ARHGEF26: variants seen among roughly 807,000 people sequenced by gnomAD.
ARHGEF26 encodes the protein Rho guanine nucleotide exchange factor 26.
In ARHGEF26, 59 loss-of-function variants were observed where a neutral mutation model predicts 89.4. The ratio of observed to expected loss-of-function variants is 0.66; its 90% CI spans 0.54 to 0.82. ARHGEF26 has a LOEUF of 0.82. ARHGEF26 is among the 40% of genes least tolerant of loss of function. ARHGEF26 has a pLI of 0.00. For synonymous variants in ARHGEF26, 500 were observed against 428.4 expected (o/e 1.17, Z -2.06); for missense variants, 1,234 against 1,085.6 (o/e 1.14, Z -1.92).
At chr3:154,166,951 A>G (rs1559873254) in intron 6 of ARHGEF26, among the ~76,000 whole-genome samples, 1 of 152,160 alleles carries the variant, frequency 6.6e-6, no homozygotes, top group Non-Finnish European at 1.5e-5. Context: ...ATGATTGCCT[A>G]CCATACACAC....
chr3:154,212,889 C>T (rs539265633), intron 9 of ARHGEF26, among the ~76,000 whole-genome samples: 2 of 152,206 alleles, frequency 1.3e-5, no homozygotes, highest in Non-Finnish European at 2.9e-5. Context: ...TATATGGTAC[C>T]TATTTCATTT....
At chr3:154,223,257 A>G (rs1304453530) in intron 10 of ARHGEF26, among the ~76,000 whole-genome samples, 1 of 152,208 alleles carries the variant, frequency 6.6e-6, no homozygotes, top group East Asian at 1.9e-4. Context: ...ATGGAAATCC[A>G]AGAAAAATCT....
At chr3:154,170,821 A>G (rs1028480568) in intron 6 of ARHGEF26, among the ~76,000 whole-genome samples, 1 of 152,212 alleles carries the variant, frequency 6.6e-6, no homozygotes, top group African/African-American at 2.4e-5. Flanking sequence ...TGCCCCTTTC[A>G]TTCTCAAAAG....
At chr3:154,177,835 T>G (rs932935395) in intron 6 of ARHGEF26, among the ~76,000 whole-genome samples, 5 of 152,176 alleles carry the variant, frequency 3.3e-5, no homozygotes, top group African/African-American at 4.8e-5. Flanking sequence ...AAAGAGAGCA[T>G]TCTGTATGTG....
chr3:154,132,666 T>C (rs1718752180), intron 4 of ARHGEF26, among the ~76,000 whole-genome samples: 1 of 152,112 alleles, frequency 6.6e-6, no homozygotes, highest in South Asian at 2.1e-4. Flanking sequence ...CTGCAGCGTT[T>C]AGGGCAGGTC....
intron 6 of ARHGEF26, among the ~76,000 whole-genome samples, chr3:154,183,405 A>G (rs778867493): frequency 7.9e-5 from 12 of 152,250 alleles, no homozygotes; most frequent in Non-Finnish European, 1.2e-4. Context: ...AAAAAAATTC[A>G]TAGAACTTAA....
chr3:154,137,989 T>C (rs1719121004), intron 4 of ARHGEF26, among the ~76,000 whole-genome samples: 1 of 152,122 alleles, frequency 6.6e-6, no homozygotes, highest in African/African-American at 2.4e-5. Context: ...AAGGAAACAA[T>C]ATAGATTACC....
intron 4 of ARHGEF26, among the ~76,000 whole-genome samples, chr3:154,131,078 T>C (rs1718657231): frequency 1.3e-5 from 2 of 152,188 alleles, no homozygotes; most frequent in African/African-American, 4.8e-5. Context: ...TTCCAGGGCC[T>C]CTGAGGTATA....
chr3:154,250,064 CTT>C (rs1019887119), intron 12 of ARHGEF26, among the ~76,000 whole-genome samples: 3 of 152,010 alleles, frequency 2.0e-5, no homozygotes, highest in Admixed American at 6.5e-5. Context: ...GAGTTTTGCT[CTT>C]GTCGCCTAGG....
Position 154,229,207 on chromosome 3 carries a change from A to AT in ARHGEF26, c.2090+3207dup, listed in dbSNP as rs563599449. ...AAAAACAAGCTTATTTTAATTATTA[A>AT]TTTTTTTTTTAGAGACGGGACCTTG... is the stretch of plus-strand genomic sequence containing the variant. On this transcript the variant is annotated intron_variant, in intron 11 of 14. Coordinates refer to ENST00000465093, the MANE Select transcript of ARHGEF26 (RefSeq NM_015595.4). 7.0e-4 allele frequency among the ~76,000 whole-genome samples: 105 copies of AT among 149,682 alleles called. 1 individual carries two copies. In the Middle Eastern group the frequency reaches 0.017, roughly 25 times the overall value.
chr3:154,210,355 G>C (rs942055321), intron 9 of ARHGEF26, among the ~76,000 whole-genome samples: 1 of 152,218 alleles, frequency 6.6e-6, no homozygotes, highest in African/African-American at 2.4e-5. Context: ...TCTTCAGTTA[G>C]CAGGTATTGA....
rs535447781 is a variant in ARHGEF26 at position 154,199,563 on chromosome 3, T to G, written c.1845+4845T>G. On this transcript the variant is annotated intron_variant, in intron 9 of 14. Coordinates refer to ENST00000465093, the MANE Select transcript of ARHGEF26 (RefSeq NM_015595.4). ...ATCTCTTTGATATACTACTTTCCTTTATTTTGGGTATATACCCAGCAGTAG... is the reference window on the plus strand; with the variant it reads ...ATCTCTTTGATATACTACTTTCCTTGATTTTGGGTATATACCCAGCAGTAG... Among the ~76,000 whole-genome samples the G allele has an allele frequency of 9.8e-5, 15 of 152,312 alleles. No homozygotes were observed. The East Asian group carries it at 1.9e-3, about 20-fold the overall frequency.
intron 6 of ARHGEF26, among the ~76,000 whole-genome samples, chr3:154,183,741 TTTAA>T (rs1156639300): frequency 6.6e-6 from 1 of 152,136 alleles, no homozygotes; most frequent in Non-Finnish European, 1.5e-5. Flanking sequence ...TAAACAGAAA[TTTAA>T]TTAGTACCTT....
intron 3 of ARHGEF26, among the ~76,000 whole-genome samples, chr3:154,124,936 C>T (rs1718237456): frequency 6.6e-6 from 1 of 151,214 alleles, no homozygotes; most frequent in Non-Finnish European, 1.5e-5. Flanking sequence ...AAAACATATT[C>T]TTAAGACTTT....
intron 12 of ARHGEF26, among the ~76,000 whole-genome samples, chr3:154,241,728 C>T (rs1438949111): frequency 6.6e-6 from 1 of 152,172 alleles, no homozygotes; most frequent in Non-Finnish European, 1.5e-5. Flanking sequence ...TGGATGGAAA[C>T]TTACTGAGAG....
rs1718043954 is a variant in ARHGEF26, at chr3:154,122,618, G to C, written c.626G>C (p.Ser209Thr). 1 of 1,613,686 alleles carries C rather than the reference G, an allele frequency of 6.2e-7. No homozygotes were observed. Reference sequence around the variant, plus strand: ...GGGCTCTTTCCTGGGCCCCAGAAAAGTTCTTCGGAACAAAAACTCCCCCTC... The same window carrying C: ...GGGCTCTTTCCTGGGCCCCAGAAAACTTCTTCGGAACAAAAACTCCCCCTC... ...ERGLFPGPQK[S>T]SSEQKLPLQR... Residue 209 changes from serine to threonine, a missense_variant, in exon 2 of 15, where the codon AGT becomes ACT. Coordinates refer to ENST00000465093, the MANE Select transcript of ARHGEF26 (RefSeq NM_015595.4).
At chr3:154,170,507 C>G (rs1410752620) in intron 6 of ARHGEF26, among the ~76,000 whole-genome samples, 1 of 152,218 alleles carries the variant, frequency 6.6e-6, no homozygotes, top group Non-Finnish European at 1.5e-5. Flanking sequence ...AGTGGTGTTA[C>G]TGATAGTATA....
At chr3:154,244,645 TTATA>T (rs1244323902) in intron 12 of ARHGEF26, among the ~76,000 whole-genome samples, 1 of 152,092 alleles carries the variant, frequency 6.6e-6, no homozygotes, top group East Asian at 1.9e-4. Context: ...GTGACCCTAA[TTATA>T]TATAATTATA....
In ARHGEF26 at chr3:154,129,682, A is replaced by T. The variant is rs1460495414; in HGVS notation, c.1232A>T (p.His411Leu). The change falls in exon 4 of 15, where the codon CAT (histidine) becomes CTT (leucine). Residue 411 changes from histidine to leucine, a missense_variant. Physicochemically the swap from His to Leu is moderately conservative, Grantham distance 99 (BLOSUM62 -3). Coordinates refer to ENST00000465093, the MANE Select transcript of ARHGEF26 (RefSeq NM_015595.4). ...TCAGATGAAAAAATTGTGATTCACCATAAGCCATTGAGATCCACATGGAGC... is the reference window on the plus strand; with the variant it reads ...TCAGATGAAAAAATTGTGATTCACCTTAAGCCATTGAGATCCACATGGAGC... ...QKSDEKIVIH[H>L]KPLRSTWSQL... 1 of 1,612,530 alleles carries T rather than the reference A, an allele frequency of 6.2e-7. No homozygotes were observed. Among genetic ancestry groups the T allele is most frequent in the African/African-American group, 1.3e-5 (1 of 74,936 alleles).
Sources: gnomAD v4.1 joint callset for allele counts (sites outside exome capture counted in the v4.1 genomes callset) on GRCh38, gnomAD v4.1.1 for gene constraint, MANE v1.5 for transcripts, NCBI Gene and HGNC (gene_info 2026-07-23, HGNC 2026-07-21) for gene names.